EYS: variants seen among roughly 807,000 people sequenced by gnomAD.
EYS encodes protein eyes shut homolog.
Under a neutral mutation model 282.1 loss-of-function variants are expected in EYS, and 250 were observed. That is an observed-to-expected ratio of 0.89 (90% confidence interval 0.80 to 0.98). The LOEUF (loss-of-function observed/expected upper bound fraction) is 0.98, where lower values mean the gene tolerates loss of function less well. Among genes scored for constraint, EYS ranks in the 50% least tolerant of loss-of-function variants. The pLI is 0.00. For synonymous variants in EYS, 1,355 were observed against 1,282.9 expected, an observed-to-expected ratio of 1.06 and a Z score of -1.20; for missense variants, 4,016 against 3,709.0, an observed-to-expected ratio of 1.08 and a Z score of -2.15.
At chr6:65,237,643 T>C (rs1219668939) in intron 12 of EYS, among the ~76,000 whole-genome samples, 4 of 152,198 alleles carry the variant, frequency 2.6e-5, no homozygotes, top group African/African-American at 7.2e-5. Context: ...CAAACAGTTA[T>C]GCTTTTGGTG....
intron 22 of EYS, among the ~76,000 whole-genome samples, chr6:64,644,679 A>G (rs1195304615): frequency 6.6e-6 from 1 of 152,178 alleles, no homozygotes. Flanking sequence ...TTATATATGC[A>G]TGGAAAAATA....
chr6:64,926,329 G>C (rs1367389135), intron 15 of EYS, among the ~76,000 whole-genome samples: 1 of 152,216 alleles, frequency 6.6e-6, no homozygotes, highest in Non-Finnish European at 1.5e-5. Context: ...ACTGCCACTT[G>C]TGCTGGCTGG....
chr6:65,644,175 C>T (rs1004372183), intron 1 of EYS, among the ~76,000 whole-genome samples: 9 of 152,104 alleles, frequency 5.9e-5, no homozygotes, highest in South Asian at 2.1e-4. Flanking sequence ...AAACATGATA[C>T]AGGTTATTAA....
At chr6:64,344,807 C>A (rs1771304241) in intron 29 of EYS, among the ~76,000 whole-genome samples, 1 of 152,068 alleles carries the variant, frequency 6.6e-6, no homozygotes, top group South Asian at 2.1e-4. Context: ...ACCCCATGGT[C>A]TCAGCCCAAA....
intron 35 of EYS, among the ~76,000 whole-genome samples, chr6:63,869,918 A>T (rs1247007714): frequency 1.3e-5 from 2 of 152,142 alleles, no homozygotes; most frequent in Non-Finnish European, 2.9e-5. Context: ...CCCTCCCCCC[A>T]TAAAAAAAAT....
intron 18 of EYS, among the ~76,000 whole-genome samples, chr6:64,887,437 A>C (rs1448893004): frequency 6.8e-6 from 1 of 146,668 alleles, no homozygotes; most frequent in African/African-American, 2.5e-5. Flanking sequence ...TAATAATAAT[A>C]AACAAACAAA....
chr6:64,953,673 A>G (rs1769591188), intron 14 of EYS, among the ~76,000 whole-genome samples: 1 of 151,800 alleles, frequency 6.6e-6, no homozygotes, highest in African/African-American at 2.4e-5. Context: ...AATAATATGT[A>G]TTATTCTGAC....
chr6:63,734,390 T>C (rs971239934), intron 41 of EYS, among the ~76,000 whole-genome samples: 10 of 152,096 alleles, frequency 6.6e-5, no homozygotes, highest in Non-Finnish European at 1.0e-4. Context: ...TGGGAAATCA[T>C]TGGAAAGCTT....
chr6:64,814,927 C>CTTTT (rs1392019960), intron 21 of EYS, among the ~76,000 whole-genome samples: 2 of 151,948 alleles, frequency 1.3e-5, no homozygotes, highest in Non-Finnish European at 2.9e-5. Flanking sequence ...CCTATGCTTA[C>CTTTT]AAATATTTAG....
At chr6:65,191,800 T>C (rs1765648248) in intron 12 of EYS, among the ~76,000 whole-genome samples, 1 of 151,836 alleles carries the variant, frequency 6.6e-6, no homozygotes, top group East Asian at 1.9e-4. Context: ...TGTATGTATC[T>C]GGGGATGCAG....
intron 22 of EYS, among the ~76,000 whole-genome samples, chr6:64,702,327 A>G (rs1393013350): frequency 6.6e-6 from 1 of 152,130 alleles, no homozygotes; most frequent in East Asian, 1.9e-4. Flanking sequence ...AAAGACAAGA[A>G]TGTATTTATT....
intron 1 of EYS, among the ~76,000 whole-genome samples, chr6:65,659,136 T>C (rs774027715): frequency 1.3e-5 from 2 of 151,688 alleles, no homozygotes; most frequent in African/African-American, 2.4e-5. Context: ...AACTTGAAAA[T>C]GTTCCTTTAG....
intron 28 of EYS, among the ~76,000 whole-genome samples, chr6:64,401,449 A>T (rs1226254185): frequency 1.3e-5 from 2 of 152,058 alleles, no homozygotes; most frequent in East Asian, 3.9e-4. Context: ...AGAAAGATTC[A>T]GGCCTGTAAG....
intron 26 of EYS, among the ~76,000 whole-genome samples, chr6:64,498,292 C>G (rs1776947971): frequency 6.6e-6 from 1 of 152,022 alleles, no homozygotes; most frequent in African/African-American, 2.4e-5. Flanking sequence ...TACAGAAAAT[C>G]AAATAGCTTA....
At chr6:65,579,138 G>A (rs1289441262) in intron 2 of EYS, among the ~76,000 whole-genome samples, 3 of 152,178 alleles carry the variant, frequency 2.0e-5, no homozygotes, top group South Asian at 2.1e-4. Flanking sequence ...ACGATTATTC[G>A]TTTGCCTGTA....
At chr6:64,049,304 T>A (rs1339472154) in intron 33 of EYS, among the ~76,000 whole-genome samples, 3 of 152,194 alleles carry the variant, frequency 2.0e-5, no homozygotes, top group Non-Finnish European at 2.9e-5. Flanking sequence ...CACATATATA[T>A]CCCTCTATTC....
At chr6:63,851,893 C>T (rs1242847751) in intron 36 of EYS, among the ~76,000 whole-genome samples, 1 of 152,160 alleles carries the variant, frequency 6.6e-6, no homozygotes, top group African/African-American at 2.4e-5. Context: ...CGCAGTGGCT[C>T]ATGCCTGTAA....
At chr6:63,842,022 G>T (rs1052172988) in intron 36 of EYS, among the ~76,000 whole-genome samples, 3 of 152,138 alleles carry the variant, frequency 2.0e-5, no homozygotes, top group African/African-American at 7.2e-5. Flanking sequence ...GGGCATTCAG[G>T]TTGGTTCCAT....
At chr6:65,269,345 C>A (rs1458318703) in intron 12 of EYS, among the ~76,000 whole-genome samples, 1 of 152,124 alleles carries the variant, frequency 6.6e-6, no homozygotes, top group Admixed American at 6.6e-5. Context: ...AGTGAGAGAA[C>A]TGGATTTAAA....
Sources: gnomAD v4.1 joint callset for allele counts (sites outside exome capture counted in the v4.1 genomes callset) on GRCh38, gnomAD v4.1.1 for gene constraint, MANE v1.5 for transcripts, NCBI Gene and HGNC (gene_info 2026-07-23, HGNC 2026-07-21) for gene names.